CNIH3: variants seen among roughly 807,000 people sequenced by gnomAD.
CNIH3 encodes the protein cornichon family AMPA receptor auxiliary protein 3.
A neutral mutation model predicts 24.1 loss-of-function variants in CNIH3; 14 were observed. The observed-to-expected ratio is 0.58, with a 90% CI of 0.38 to 0.91. The LOEUF (loss-of-function observed/expected upper bound fraction) is 0.91. Among genes scored for constraint, CNIH3 ranks in the 40% least tolerant of loss-of-function variants. The pLI is 0.00. For missense variants in CNIH3, 178 were observed against 196.8 expected, an observed-to-expected ratio of 0.90 and a Z score of 0.57; for synonymous variants, 68 against 73.8, an observed-to-expected ratio of 0.92 and a Z score of 0.40.
chr1:224,729,065 G>T (rs535685389), intron 3 of CNIH3, among the ~76,000 whole-genome samples: 1 of 152,216 alleles, frequency 6.6e-6, no homozygotes, highest in Admixed American at 6.5e-5. Context: ...GGGCCCAGAG[G>T]TACAGGGGAG....
intron 3 of CNIH3, among the ~76,000 whole-genome samples, chr1:224,711,570 G>A (rs1243822653): frequency 6.6e-6 from 1 of 151,726 alleles, no homozygotes; most frequent in African/African-American, 2.4e-5. Flanking sequence ...TGAGGTGGGT[G>A]GATTGCTTGC....
Position 224,740,436 on chromosome 1 carries a change from C to T in CNIH3, c.*1080C>T. 1 of 152,168 alleles carries T rather than the reference C, an allele frequency of 6.6e-6. No homozygotes were observed. Among genetic ancestry groups the T allele is most frequent in the Admixed American group, 6.5e-5 (1 of 15,268 alleles). The allele number at this position is 152,168 out of a possible 1,614,324, so 9.4% of individuals were successfully genotyped here. On this transcript the variant is annotated 3_prime_UTR_variant, in exon 6 of 6. Transcript: ENST00000272133. Reference sequence around the variant, plus strand: ...CTTTTCTTTTCTACTGTTTAACATACACAGGCTATTTATACACGTCCCCAG... The same window carrying T: ...CTTTTCTTTTCTACTGTTTAACATATACAGGCTATTTATACACGTCCCCAG...
chr1:224,590,382 G>T (rs1681701020), downstream of CNIH3, among the ~76,000 whole-genome samples: 1 of 152,172 alleles, frequency 6.6e-6, no homozygotes, highest in South Asian at 2.1e-4. Context: ...CCTGAGCATG[G>T]ATGTGTATGT....
chr1:224,656,398 G>A (rs892711287), intron 1 of CNIH3, among the ~76,000 whole-genome samples: 14 of 152,164 alleles, frequency 9.2e-5, no homozygotes, highest in African/African-American at 2.9e-4. Context: ...CCAAGAGAAC[G>A]ATCCTAAGCC....
chr1:224,737,704 A>G (rs533445000), intron 5 of CNIH3, among the ~76,000 whole-genome samples: 1 of 152,288 alleles, frequency 6.6e-6, no homozygotes, highest in East Asian at 1.9e-4. Context: ...GAGCTCCCTG[A>G]GGGGCTCCTG....
At chr1:224,618,988 A>G (rs1185867389) in intron 1 of CNIH3, among the ~76,000 whole-genome samples, 2 of 152,212 alleles carry the variant, frequency 1.3e-5, no homozygotes, top group African/African-American at 4.8e-5. Context: ...CTTTAAAGGA[A>G]CTTTCTCAGC....
chr1:224,445,167 AGT>A (rs964930733), intron 1 of CNIH3, among the ~76,000 whole-genome samples: 1 of 152,146 alleles, frequency 6.6e-6, no homozygotes, highest in Non-Finnish European at 1.5e-5. Context: ...TACATAAGTA[AGT>A]GTATGTATAG....
chr1:224,533,490 TG>T (rs1463723150), intron 2 of CNIH3, among the ~76,000 whole-genome samples: 1 of 152,072 alleles, frequency 6.6e-6, no homozygotes, highest in Non-Finnish European at 1.5e-5. Flanking sequence ...CACCACAAAT[TG>T]GGTGGCTTAA....
Position 224,577,548 on chromosome 1 carries a change from T to TA in CNIH3, n.517-5606dup, listed in dbSNP as rs527301834. ...CATTTGAATGGCCATGATTTAAAAA[T>TA]AAAAAAAAAATAACAGATATTGGCA... On this transcript the variant is annotated intron_variant and non_coding_transcript_variant, in intron 4 of 5. Transcript: ENST00000471578. Among the ~76,000 whole-genome samples the TA allele has an allele frequency of 6.2e-3, 920 of 148,108 alleles. 3 individuals carry two copies. The highest frequency in any genetic ancestry group is 0.011 in the Non-Finnish European group (718 of 66,630).
In CNIH3 at chr1:224,703,148, G is replaced by T; in HGVS notation, c.198+18305G>T. 6.6e-6 allele frequency among the ~76,000 whole-genome samples: 1 copy of T among 152,108 alleles called. No homozygotes were observed. Among genetic ancestry groups the T allele is most frequent in the East Asian group, 1.9e-4 (1 of 5,180 alleles). On this transcript the variant is annotated intron_variant, in intron 3 of 5. Transcript: ENST00000272133. The surrounding 1 kb of genome is among the most constrained non-coding windows in gnomAD (Gnocchi z 4.2). ...TGACCTCTCAAGGTCCATCTGTCCT[G>T]GCTGGTCAAAACCTTTTTTCTACCT...
chr1:224,617,123 C>T lies in CNIH3; in HGVS notation c.-52C>T, dbSNP rs113749394. On this transcript the variant is annotated 5_prime_UTR_variant, in exon 1 of 6. Coordinates refer to ENST00000272133, the MANE Select transcript of CNIH3 (RefSeq NM_152495.2). ...GGAGTGCGGTCCTCTAGGGAGGCAT[C>T]GGGCTCCTAGGGGCTTCTTGGCGTG... is the stretch of plus-strand genomic sequence containing the variant. 6.2e-7 allele frequency: 1 copy of T among 1,604,180 alleles called. No homozygotes were observed. Among genetic ancestry groups the T allele is most frequent in the Non-Finnish European group, 8.5e-7 (1 of 1,175,496 alleles).
intron 1 of CNIH3, among the ~76,000 whole-genome samples, chr1:224,463,131 C>T (rs560055927): frequency 1.3e-5 from 2 of 151,980 alleles, no homozygotes; most frequent in South Asian, 2.1e-4. Flanking sequence ...CTCTTGACCT[C>T]GTGATCCACC....
At chr1:224,659,394 G>A (rs1685237750) in intron 1 of CNIH3, among the ~76,000 whole-genome samples, 1 of 152,192 alleles carries the variant, frequency 6.6e-6, no homozygotes, top group South Asian at 2.1e-4. Flanking sequence ...TAATAATGAT[G>A]AGATAGAAAT....
intron 4 of CNIH3, among the ~76,000 whole-genome samples, chr1:224,567,801 T>C (rs980724512): frequency 6.6e-6 from 1 of 152,108 alleles, no homozygotes; most frequent in African/African-American, 2.4e-5. Flanking sequence ...GAAACAGTTG[T>C]AGATGTTTAT....
intron 3 of CNIH3, chr1:224,718,976 G>C (rs1688575434): frequency 6.6e-6 from 1 of 152,246 alleles, no homozygotes; most frequent in Non-Finnish European, 1.5e-5. Flanking sequence ...GCATGGTCCA[G>C]TGTTCAGCTG....
At chr1:224,732,683 G>A (rs1159282384) in intron 4 of CNIH3, among the ~76,000 whole-genome samples, 1 of 152,168 alleles carries the variant, frequency 6.6e-6, no homozygotes, top group Non-Finnish European at 1.5e-5. Context: ...GGTCCTTCAA[G>A]TAGGGGGCTG....
intron 1 of CNIH3, among the ~76,000 whole-genome samples, chr1:224,674,029 A>T (rs901097471): frequency 2.6e-5 from 4 of 152,152 alleles, no homozygotes; most frequent in African/African-American, 9.7e-5. Flanking sequence ...GGAGATTCCG[A>T]TCCAGTTCAC....
rs78720891 is a variant in CNIH3, at chr1:224,689,165, A to G, written c.198+4322A>G. Among the ~76,000 whole-genome samples the G allele has an allele frequency of 3.3e-3, 501 of 152,174 alleles. 17 individuals carry two copies. In the East Asian group the frequency reaches 0.078, roughly 24 times the overall value. Reference sequence around the variant, plus strand: ...AGCGTGCAAACATCTACTGCTTCCAATCCTGCCTCTGCCCTTATTATCCAT... The same window carrying G: ...AGCGTGCAAACATCTACTGCTTCCAGTCCTGCCTCTGCCCTTATTATCCAT... On this transcript the variant is annotated intron_variant, in intron 3 of 5. Transcript: ENST00000272133.
chr1:224,558,041 G>A (rs969420445), intron 3 of CNIH3, among the ~76,000 whole-genome samples: 4 of 152,140 alleles, frequency 2.6e-5, no homozygotes, highest in East Asian at 1.9e-4. Context: ...ACAACCATTC[G>A]AACTGCTCAG....
Sources: allele counts gnomAD v4.1 joint callset (sites outside exome capture counted in the v4.1 genomes callset), GRCh38; gene constraint gnomAD v4.1.1; non-coding constraint Gnocchi (gnomAD v3.1); transcripts MANE v1.5; gene names NCBI Gene and HGNC (gene_info 2026-07-23, HGNC 2026-07-21).